The following STS variants were observed in gnomAD, a reference collection of about 807,000 sequenced individuals.
STS encodes the protein steryl-sulfatase.
Under a neutral mutation model 26.8 loss-of-function variants are expected in STS, and 7 were observed. That is an observed-to-expected ratio of 0.26 (90% CI 0.15 to 0.49). STS has a LOEUF of 0.49. Among genes scored for constraint, STS ranks in the 20% least tolerant of loss-of-function variants. The probability of loss-of-function intolerance (pLI) is 0.98; values close to 1 mark genes in which losing one functional copy is unlikely to be tolerated. For synonymous variants in STS, 199 were observed against 189.4 expected, an observed-to-expected ratio of 1.05 and a Z score of -0.42; for missense variants, 434 against 465.6, an observed-to-expected ratio of 0.93 and a Z score of 0.63.
intron 7 of STS, among the ~76,000 whole-genome samples, chrX:7,276,330 G>C (rs777348343): frequency 9.0e-5 from 10 of 111,092 alleles, no homozygotes; most frequent in Non-Finnish European, 1.9e-4. Context: ...AATCAGCCAG[G>C]TGTGGTGGTA....
intron 1 of STS, among the ~76,000 whole-genome samples, chrX:7,158,412 A>G (rs180823951): frequency 1.2e-3 from 134 of 112,390 alleles, no homozygotes; most frequent in African/African-American, 3.9e-3. Flanking sequence ...AGTTGGAGGA[A>G]GAGACAACAT....
chrX:7,266,626 G>A (rs780413394), intron 6 of STS, among the ~76,000 whole-genome samples: 1 of 111,982 alleles, frequency 8.9e-6, no homozygotes, highest in Non-Finnish European at 1.9e-5. Flanking sequence ...TTCAGGAGAT[G>A]GGTCATCCTG....
At position 7,220,628 on chromosome X, in the gene STS, A is replaced by C. The variant is rs772113155; in HGVS notation, c.-5+29620A>C. Among the ~76,000 whole-genome samples, 377 of 99,074 alleles carry C rather than the reference A, an allele frequency of 3.8e-3. 2 individuals are homozygous for C. The highest frequency in any genetic ancestry group is 5.8e-3 in the Non-Finnish European group (290 of 50,091). 86.0% of individuals were successfully genotyped at this position (99,074 alleles called of 115,157 possible). A position where few individuals can be genotyped will look rare whatever the true frequency, so the allele number is the denominator to read the frequency against. On this transcript the variant is annotated intron_variant, in intron 2 of 10. Transcript: ENST00000674429. Reference sequence around the variant, plus strand: ...CAGTGGCGCGATCTCGGCTCACTGCAAGCTCCACCTCCCGGGTTCACGCCA... The same window carrying C: ...CAGTGGCGCGATCTCGGCTCACTGCCAGCTCCACCTCCCGGGTTCACGCCA...
At chrX:7,256,093 C>T (rs1400820867) in intron 3 of STS, among the ~76,000 whole-genome samples, 1 of 112,040 alleles carries the variant, frequency 8.9e-6, no homozygotes, top group Admixed American at 9.5e-5. Context: ...ACTGGAGGCC[C>T]ATGAGAATTC....
chrX:7,334,257 C>T (rs1927905683), intron 10 of STS, 150 bp downstream of exon 10: 1 of 789,392 alleles, frequency 1.3e-6, no homozygotes, highest in Non-Finnish European at 1.9e-6. Flanking sequence ...TCCTCTTTTC[C>T]CTCCTCCTCC....
At chrX:7,303,672 A>G (rs761713710) in intron 7 of STS, among the ~76,000 whole-genome samples, 4 of 111,819 alleles carry the variant, frequency 3.6e-5, no homozygotes, top group Admixed American at 9.5e-5. Context: ...TTAAATCAGC[A>G]GCATATGACT....
chrX:7,228,904 A>G (rs1921936091), intron 2 of STS, among the ~76,000 whole-genome samples: 1 of 112,182 alleles, frequency 8.9e-6, no homozygotes, highest in South Asian at 3.7e-4. Flanking sequence ...CCATGACATG[A>G]ACTTCTTATT....
chrX:7,325,262 C>T (rs188929295), intron 8 of STS, 77 bp from the exon 9 acceptor site: 16 of 1,086,496 alleles, frequency 1.5e-5, no homozygotes, highest in South Asian at 1.9e-5. Flanking sequence ...ACATTGAGCA[C>T]GAAAGAGTCC....
intron 1 of STS, among the ~76,000 whole-genome samples, chrX:7,164,844 CAAAA>C (rs71729693): frequency 1.0e-5 from 1 of 96,402 alleles, no homozygotes; most frequent in Non-Finnish European, 2.1e-5. Context: ...CCCATCTTTA[CAAAA>C]AAAAAAAACA....
intron 2 of STS, among the ~76,000 whole-genome samples, chrX:7,247,408 C>A (rs1304142963): frequency 8.9e-6 from 1 of 111,834 alleles, no homozygotes; most frequent in Non-Finnish European, 1.9e-5. Context: ...CTGCCAGTCA[C>A]ATAGCTTCCC....
chrX:7,214,980 AC>A (rs1254490006), intron 2 of STS, among the ~76,000 whole-genome samples: 16 of 40,971 alleles, frequency 3.9e-4, no homozygotes, highest in African/African-American at 9.8e-4. Context: ...ATGTATATAT[AC>A]ATATATATAC....
intron 6 of STS, among the ~76,000 whole-genome samples, chrX:7,273,449 A>C (rs2147103952): frequency 9.0e-6 from 1 of 111,603 alleles, no homozygotes; most frequent in African/African-American, 3.3e-5. Flanking sequence ...CTTTCTATGT[A>C]AAAACTGGCC....
At chrX:7,205,138 T>C (rs1300820895) in intron 2 of STS, among the ~76,000 whole-genome samples, 3 of 111,894 alleles carry the variant, frequency 2.7e-5, no homozygotes, top group African/African-American at 9.8e-5. Flanking sequence ...AAATAGACTT[T>C]TGGGCAATTG....
chrX:7,152,562 G>A (rs1414088914), intron 1 of STS, among the ~76,000 whole-genome samples: 1 of 112,234 alleles, frequency 8.9e-6, no homozygotes, highest in Admixed American at 9.4e-5. Context: ...CAAGTAATCC[G>A]CCCGCCTTGG....
intron 2 of STS, among the ~76,000 whole-genome samples, chrX:7,232,783 C>A (rs1274433013): frequency 8.9e-6 from 1 of 111,881 alleles, no homozygotes; most frequent in African/African-American, 3.3e-5. Flanking sequence ...GAATTGTAAT[C>A]CAAATTATAA....
intron 9 of STS, among the ~76,000 whole-genome samples, chrX:7,331,115 C>T (rs144959761): frequency 0.029 from 3,253 of 110,866 alleles, 107 homozygotes; most frequent in African/African-American, 0.1. Flanking sequence ...GCAAAGGGCG[C>T]GTGGGAAGGA....
chrX:7,284,467 G>A (rs1925030120), intron 7 of STS, among the ~76,000 whole-genome samples: 1 of 111,743 alleles, frequency 8.9e-6, no homozygotes, highest in Non-Finnish European at 1.9e-5. Flanking sequence ...GATGTGCAGG[G>A]GGATGCACTT....
At chrX:7,331,044 T>C (rs1927719267) in intron 9 of STS, among the ~76,000 whole-genome samples, 1 of 111,020 alleles carries the variant, frequency 9.0e-6, no homozygotes, top group African/African-American at 3.3e-5. Context: ...ACCTTCTGTA[T>C]CACCCCAAAC....
At chrX:7,160,752 A>G (rs1439534129) in intron 1 of STS, among the ~76,000 whole-genome samples, 4 of 112,154 alleles carry the variant, frequency 3.6e-5, no homozygotes, top group African/African-American at 1.3e-4. Flanking sequence ...GATGAATTTG[A>G]GAAGGAATTA....
Sources: allele counts gnomAD v4.1 joint callset (sites outside exome capture counted in the v4.1 genomes callset), GRCh38; gene constraint gnomAD v4.1.1; transcripts MANE v1.5; gene names NCBI Gene and HGNC (gene_info 2026-07-23, HGNC 2026-07-21).